The following ZNF37A variants were observed in gnomAD, a reference collection of about 807,000 sequenced individuals.
The protein encoded by ZNF37A is zinc finger protein 37A, also known as zinc finger protein 37a (KOX 21).
In ZNF37A, 10 loss-of-function variants were observed where a neutral mutation model predicts 12.3. The observed-to-expected ratio is 0.82, with a 90% CI of 0.50 to 1.38. The LOEUF (loss-of-function observed/expected upper bound fraction) is 1.38. Among genes scored for constraint, ZNF37A ranks in the 40% most tolerant of loss-of-function variants. ZNF37A has a pLI of 0.00. For synonymous variants in ZNF37A, 207 were observed against 223.0 expected (o/e 0.93, Z 0.64); for missense variants, 580 against 651.2 (o/e 0.89, Z 1.19).
intron 5 of ZNF37A, 65 bp from the exon 6 acceptor site, chr10:38,114,690 A>C (rs1285158049): frequency 6.2e-7 from 1 of 1,607,948 alleles, no homozygotes; most frequent in Non-Finnish European, 8.5e-7. Flanking sequence ...ATTAGTCCCT[A>C]AACATCTTTT....
In ZNF37A at chr10:38,117,622, G is replaced by A. The variant is rs374729005; in HGVS notation, c.471G>A (p.Glu157=). 116 of 1,613,752 alleles carry A rather than the reference G, an allele frequency of 7.2e-5. No homozygotes were observed. Among genetic ancestry groups the A allele is most frequent in the Admixed American group, 3.2e-4 (19 of 59,940 alleles). Residue 157 remains glutamate, a synonymous_variant, in exon 8 of 8, where the codon GAG becomes GAA. Transcript: ENST00000685332. ...EYNECGKAFP[E]NSLFLVHKRG... ...ATGAATGTGGGAAAGCTTTCCCTGA[G>A]AATTCACTCTTCCTTGTACATAAGA...
At chr10:38,112,750 C>CGG (rs1564931934) in intron 5 of ZNF37A, among the ~76,000 whole-genome samples, 1,446 of 47,294 alleles carry the variant, frequency 0.031, 139 homozygotes, top group Non-Finnish European at 0.041. Flanking sequence ...CTTTTCTTTT[C>CGG]TTTTCTTTTC....
chr10:38,134,270 G>A (rs1472118305), intron 7 of ZNF37A, among the ~76,000 whole-genome samples: 8 of 152,142 alleles, frequency 5.3e-5, no homozygotes, highest in Non-Finnish European at 7.3e-5. Context: ...ATTACCGATC[G>A]TCTGAAGCCT....
intron 5 of ZNF37A, among the ~76,000 whole-genome samples, chr10:38,098,887 C>CATTGTAATGAGTAT (rs140047265): frequency 2.4e-5 from 1 of 41,220 alleles, no homozygotes; most frequent in Non-Finnish European, 5.5e-5. Flanking sequence ...TTTGACTGTG[C>CATTGTAATGAGTAT]ACAACTAATT....
chr10:38,145,314 T>C (rs2070237623), intron 7 of ZNF37A, among the ~76,000 whole-genome samples: 1 of 152,214 alleles, frequency 6.6e-6, no homozygotes, highest in Admixed American at 6.5e-5. Context: ...GTCACTAATA[T>C]AATTTGAAAT....
Position 38,119,153 on chromosome 10 carries a change from A to G in ZNF37A, c.*316A>G. 9.6e-7 allele frequency: 1 copy of G among 1,039,538 alleles called. No homozygotes were observed. The highest frequency in any genetic ancestry group is 1.2e-6 in the Non-Finnish European group (1 of 858,970). The allele number at this position is 1,039,538 out of a possible 1,614,324, so 64.4% of individuals were successfully genotyped here. A position where few individuals can be genotyped will look rare whatever the true frequency, so the allele number is the denominator to read the frequency against. On this transcript the variant is annotated 3_prime_UTR_variant, in exon 8 of 8. Coordinates refer to ENST00000685332, the MANE Select transcript of ZNF37A (RefSeq NM_001324250.3). ...CTGGGTCAGCATCCCTAGGTTGAGA[A>G]GGGATGCATTTTTCTGCTACTACTA...
At chr10:38,134,072 C>T (rs1590944045) in intron 7 of ZNF37A, among the ~76,000 whole-genome samples, 1 of 152,156 alleles carries the variant, frequency 6.6e-6, no homozygotes, top group Non-Finnish European at 1.5e-5. Context: ...TCCACTTGAT[C>T]GAATTGGCTA....
intron 5 of ZNF37A, among the ~76,000 whole-genome samples, chr10:38,112,780 C>CGG (rs1564932378): frequency 0.057 from 3,006 of 52,868 alleles, 368 homozygotes; most frequent in African/African-American, 0.079. Context: ...CTTTTCTTTT[C>CGG]TTTTCTTTTC....
In ZNF37A at chr10:38,124,206, A is replaced by C. The variant is rs867552288; in HGVS notation, c.*5369A>C. 6.7e-6 allele frequency: 1 copy of C among 150,354 alleles called. No individual in the cohort carries two copies. The highest frequency in any genetic ancestry group is 2.5e-5 in the African/African-American group (1 of 40,616). The allele number at this position is 150,354 out of a possible 1,614,324, so 9.3% of individuals were successfully genotyped here. On this transcript the variant is annotated 3_prime_UTR_variant, in exon 8 of 8. Transcript: ENST00000685332. Reference sequence around the variant, plus strand: ...ATTGTAGATGGAACTAGAGATCATTAAGTGAAATAAGCCAGGCACAGCAAG... The same window carrying C: ...ATTGTAGATGGAACTAGAGATCATTCAGTGAAATAAGCCAGGCACAGCAAG...
intron 7 of ZNF37A, chr10:38,140,529 G>A (rs1278854847): frequency 5.3e-5 from 8 of 152,138 alleles, no homozygotes; most frequent in Non-Finnish European, 1.2e-4. Context: ...TATATACGCA[G>A]ATAGATATGT....
chr10:38,115,976 G>C (rs1167836814), intron 7 of ZNF37A, among the ~76,000 whole-genome samples: 1 of 152,012 alleles, frequency 6.6e-6, no homozygotes, highest in African/African-American at 2.4e-5. Flanking sequence ...GGGGAGCTGA[G>C]GTGACAGTCT....
chr10:38,127,342 C>G (rs770158395), downstream of ZNF37A, among the ~76,000 whole-genome samples: 7 of 152,290 alleles, frequency 4.6e-5, no homozygotes, highest in East Asian at 3.9e-4. Flanking sequence ...TTTTCACTTA[C>G]GCTAACCACT....
At chr10:38,126,756 C>T (rs765019279), downstream of ZNF37A, among the ~76,000 whole-genome samples, 9 of 152,174 alleles carry the variant, frequency 5.9e-5, no homozygotes, top group Non-Finnish European at 1.0e-4. Context: ...TCACCGTTTT[C>T]CTCCTCCATC....
intron 7 of ZNF37A, among the ~76,000 whole-genome samples, chr10:38,146,376 G>A (rs1031340158): frequency 6.6e-6 from 1 of 152,050 alleles, no homozygotes; most frequent in African/African-American, 2.4e-5. Flanking sequence ...CAAAGTGCTG[G>A]GATTACAGGT....
At chr10:38,102,302 G>A (rs1173059664) in intron 5 of ZNF37A, among the ~76,000 whole-genome samples, 15 of 151,734 alleles carry the variant, frequency 9.9e-5, no homozygotes, top group Non-Finnish European at 2.1e-4. Context: ...TTTCTAACGT[G>A]CCATTTTAAT....
At chr10:38,096,494 C>T (rs2067162601) in intron 4 of ZNF37A, 80 bp from the exon 5 acceptor site, 2 of 916,090 alleles carry the variant, frequency 2.2e-6, no homozygotes, top group Admixed American at 2.1e-5. Context: ...GAGTATCTCC[C>T]TTTCAGAGAT....
downstream of ZNF37A, among the ~76,000 whole-genome samples, chr10:38,126,557 T>C (rs1396077694): frequency 6.6e-6 from 1 of 152,208 alleles, no homozygotes; most frequent in Non-Finnish European, 1.5e-5. Flanking sequence ...ACACATTTGT[T>C]CTACTTGATC....
Position 38,118,272 on chromosome 10 carries a change from A to C in ZNF37A, c.1121A>C (p.Gln374Pro), listed in dbSNP as rs749476336. The C allele has an allele frequency of 2.1e-5, 34 of 1,613,886 alleles. No homozygotes were observed. Among genetic ancestry groups the C allele is most frequent in the Non-Finnish European group, 2.9e-5 (34 of 1,180,004 alleles). The change falls in exon 8 of 8, where the codon CAG (glutamine) becomes CCG (proline). Residue 374 changes from glutamine to proline, a missense_variant. Coordinates refer to ENST00000685332, the MANE Select transcript of ZNF37A (RefSeq NM_001324250.3). ...TTTAAGTCAGTCCTTACTGTGCATCAGAAAACACACACAGGGGAGAAGCCC... is the reference window on the plus strand; with the variant it reads ...TTTAAGTCAGTCCTTACTGTGCATCCGAAAACACACACAGGGGAGAAGCCC... ...FSFKSVLTVH[Q>P]KTHTGEKPYE...
intron 5 of ZNF37A, among the ~76,000 whole-genome samples, chr10:38,108,890 A>G (rs1048824639): frequency 9.2e-5 from 14 of 152,348 alleles, no homozygotes; most frequent in African/African-American, 3.4e-4. Flanking sequence ...TCACAGCCGA[A>G]TACTACCAGA....
Sources: allele counts gnomAD v4.1 joint callset (sites outside exome capture counted in the v4.1 genomes callset), GRCh38; gene constraint gnomAD v4.1.1; transcripts MANE v1.5; gene names NCBI Gene and HGNC (gene_info 2026-07-23, HGNC 2026-07-21).